Variants in PCBP3 observed in about 807,000 individuals in gnomAD.
PCBP3 encodes poly(rC)-binding protein 3.
A neutral mutation model predicts 52.7 loss-of-function variants in PCBP3; 25 were observed. That is an observed-to-expected ratio of 0.47 (90% CI 0.35 to 0.66). PCBP3 has a LOEUF of 0.66. Ranked by LOEUF, PCBP3 falls within the 30% of genes least tolerant of loss-of-function variation. The probability of loss-of-function intolerance (pLI) is 0.01; values close to 1 mark genes in which losing one functional copy is unlikely to be tolerated. For missense variants in PCBP3, 391 were observed against 490.3 expected (o/e 0.80, Z 1.91); for synonymous variants, 162 against 183.0 (o/e 0.89, Z 0.93).
At chr21:45,708,364 G>GCTGTGAGAGTTCAGGGATC (rs1376308828) in intron 2 of PCBP3, among the ~76,000 whole-genome samples, 7 of 152,272 alleles carry the variant, frequency 4.6e-5, no homozygotes, top group Middle Eastern at 6.8e-3. Flanking sequence ...TCAAATTGCT[G>GCTGTGAGAGTTCAGGGATC]CTGTGAGAGT....
Position 45,724,104 on chromosome 21 carries a change from CAG to C in PCBP3, c.-199-11285_-199-11284del, listed in dbSNP as rs979395142. On this transcript the variant is annotated intron_variant, in intron 2 of 17. Transcript: ENST00000681687. The surrounding 1 kb of genome is among the most constrained non-coding windows in gnomAD (Gnocchi z 5.3). ...TCTCTCCCCCAGATCTGGAGAAATT[CAG>C]AGTCAAGGCTGTCCCCCTCCTGAAG... is the stretch of plus-strand genomic sequence containing the variant. Among the ~76,000 whole-genome samples, 1 of 152,186 alleles carries C rather than the reference CAG, an allele frequency of 6.6e-6. No individual in the cohort carries two copies. The highest frequency in any genetic ancestry group is 1.5e-5 in the Non-Finnish European group (1 of 68,032).
chr21:45,796,679 C>A (rs2091934673), intron 4 of PCBP3, among the ~76,000 whole-genome samples: 1 of 152,232 alleles, frequency 6.6e-6, no homozygotes, highest in Admixed American at 6.5e-5. Flanking sequence ...TCACCTTTTG[C>A]ACCATTAATG....
At chr21:45,716,100 T>G (rs1435265906) in intron 2 of PCBP3, among the ~76,000 whole-genome samples, 1 of 152,168 alleles carries the variant, frequency 6.6e-6, no homozygotes, top group Non-Finnish European at 1.5e-5. Context: ...CTTCAATAGG[T>G]TTAGTCCTTA....
intron 4 of PCBP3, among the ~76,000 whole-genome samples, chr21:45,840,185 G>A (rs1242947474): frequency 6.6e-6 from 1 of 151,476 alleles, no homozygotes; most frequent in Non-Finnish European, 1.5e-5. Flanking sequence ...GGGCACGGTG[G>A]CTCACTCCTG....
rs184854877 is a variant in PCBP3, at chr21:45,929,170, G to A, written c.718-747G>A. On this transcript the variant is annotated intron_variant, in intron 13 of 17. Transcript: ENST00000681687. ...AATGGCATCAAAGCCCCCTTGAAAA[G>A]TCTTGTGGCCCGAGGATGGGAGGAG... 7.2e-4 allele frequency among the ~76,000 whole-genome samples: 110 copies of A among 152,352 alleles called. 1 individual carries two copies. The highest frequency in any genetic ancestry group is 2.3e-3 in the African/African-American group (95 of 41,592).
At chr21:45,862,717 T>C (rs4818804) in intron 5 of PCBP3, among the ~76,000 whole-genome samples, 121,594 of 152,250 alleles carry the variant, frequency 0.8, 49,464 homozygotes, top group East Asian at 1. Flanking sequence ...AAGCACATTG[T>C]GTGGGCCCCA....
At chr21:45,733,187 TTG>T (rs1170010004) in intron 2 of PCBP3, among the ~76,000 whole-genome samples, 1 of 152,230 alleles carries the variant, frequency 6.6e-6, no homozygotes, top group East Asian at 1.9e-4. Context: ...CATGCTTGAT[TTG>T]TGTGTTTTAA....
chr21:45,745,373 C>T (rs2086752035), intron 3 of PCBP3, among the ~76,000 whole-genome samples: 1 of 152,174 alleles, frequency 6.6e-6, no homozygotes, highest in Non-Finnish European at 1.5e-5. Context: ...CAGATGCTCT[C>T]GTTGACATCA....
At chr21:45,909,872 C>T (rs1489313886) in intron 10 of PCBP3, among the ~76,000 whole-genome samples, 10 of 77,122 alleles carry the variant, frequency 1.3e-4, no homozygotes, top group East Asian at 9.0e-4. Flanking sequence ...TGCCCAGATA[C>T]GGACCCGGCC....
rs547082643 is a variant in PCBP3 at position 45,897,254 on chromosome 21, C to T, written c.165+892C>T. On this transcript the variant is annotated intron_variant, in intron 6 of 17. Coordinates refer to ENST00000681687, the MANE Select transcript of PCBP3 (RefSeq NM_001384156.1). ...CAGTGTCAGGGCACCCACACGGATG[C>T]GTTCCCACCACTGGCCTCCCTTCAC... Among the ~76,000 whole-genome samples the T allele has an allele frequency of 1.3e-3, 203 of 152,312 alleles. 1 individual carries two copies. Among genetic ancestry groups the T allele is most frequent in the African/African-American group, 4.5e-3 (186 of 41,562 alleles).
At chr21:45,926,853 C>A (rs560046480) in intron 13 of PCBP3, among the ~76,000 whole-genome samples, 2 of 152,208 alleles carry the variant, frequency 1.3e-5, no homozygotes, top group African/African-American at 4.8e-5. Context: ...AAGGAAAATA[C>A]TGGTGAGTTC....
intron 5 of PCBP3, among the ~76,000 whole-genome samples, chr21:45,895,361 C>G (rs759136954): frequency 2.5e-4 from 38 of 152,312 alleles, no homozygotes; most frequent in Admixed American, 2.1e-3. Context: ...GTTTCTGTTC[C>G]TGGTGGGTTT....
intron 5 of PCBP3, among the ~76,000 whole-genome samples, chr21:45,893,472 C>G (rs1434128796): frequency 7.5e-6 from 1 of 132,898 alleles, no homozygotes; most frequent in Non-Finnish European, 1.6e-5. Flanking sequence ...CCCGTGGCCA[C>G]AGCTGTAGGC....
chr21:45,835,751 C>T (rs1454659314), intron 4 of PCBP3, among the ~76,000 whole-genome samples: 1 of 152,148 alleles, frequency 6.6e-6, no homozygotes, highest in Non-Finnish European at 1.5e-5. Context: ...GAGCCATTTT[C>T]ATCCAGGCCA....
rs1158075545 is a variant in PCBP3, at chr21:45,784,599, T to G, written c.-126+29147T>G. Among the ~76,000 whole-genome samples, 6 of 151,764 alleles carry G rather than the reference T, an allele frequency of 4.0e-5. No individual in the cohort carries two copies. In the East Asian group the frequency reaches 1.2e-3, roughly 29 times the overall value. On this transcript the variant is annotated intron_variant, in intron 4 of 17. Transcript: ENST00000681687. ...CCTCAGCCTGCCGAGTGCCTGCAAT[T>G]GCAGGCGCGCGCCGCCACGCCTGAC...
In PCBP3 at chr21:45,766,057, G is replaced by A. The variant is rs187681989; in HGVS notation, c.-126+10605G>A. On this transcript the variant is annotated intron_variant, in intron 4 of 17. Transcript: ENST00000681687. ...AGTTAAAGCAGCATTTTCTCCCATG[G>A]TCTTGTCTCCTGTGGGACTGACGTG... 1.7e-3 allele frequency among the ~76,000 whole-genome samples: 254 copies of A among 152,294 alleles called. 1 individual carries two copies. Among genetic ancestry groups the A allele is most frequent in the African/African-American group, 5.9e-3 (243 of 41,534 alleles).
chr21:45,748,210 C>T (rs1450066245), intron 3 of PCBP3: 1 of 152,612 alleles, frequency 6.6e-6, no homozygotes, highest in Non-Finnish European at 1.5e-5. Flanking sequence ...TGCAGTCTAT[C>T]TACTCTTGCT....
intron 2 of PCBP3, among the ~76,000 whole-genome samples, chr21:45,683,923 C>A (rs1460873760): frequency 2.7e-5 from 4 of 145,690 alleles, no homozygotes; most frequent in African/African-American, 1.0e-4. Context: ...GACTCCATCT[C>A]AAAAAAAAAA....
intron 16 of PCBP3, among the ~76,000 whole-genome samples, chr21:45,939,706 C>T (rs77277782): frequency 0.052 from 7,992 of 152,310 alleles, 261 homozygotes; most frequent in Non-Finnish European, 0.078. Context: ...TCCTGGACCC[C>T]GGGGTGACCA....
Sources: gnomAD v4.1 joint callset for allele counts (sites outside exome capture counted in the v4.1 genomes callset) on GRCh38, gnomAD v4.1.1 for gene constraint, Gnocchi (gnomAD v3.1) non-coding constraint, MANE v1.5 for transcripts, NCBI Gene and HGNC (gene_info 2026-07-23, HGNC 2026-07-21) for gene names.